The following GEMIN5 variants were observed in gnomAD, a reference collection of about 807,000 sequenced individuals.
GEMIN5 encodes the protein gem-associated protein 5.
In GEMIN5, 124 loss-of-function variants were observed where a neutral mutation model predicts 176.9. That is an observed-to-expected ratio of 0.70 (90% CI 0.61 to 0.81). GEMIN5 has a LOEUF of 0.81. GEMIN5 is among the 40% of genes least tolerant of loss of function. The pLI is 0.00. For synonymous variants in GEMIN5, 673 were observed against 665.2 expected (o/e 1.01, Z -0.18); for missense variants, 1,843 against 1,814.6 (o/e 1.02, Z -0.28).
Position 154,891,662 on chromosome 5 carries a change from G to GAA in GEMIN5, c.3839_3840dup (p.Leu1281PhefsTer24). ...CAGAATTCATACAGACGCCCATAAA[G>GAA]AAAAAAGGCCTCCAAACTTTTGAAA... is the stretch of plus-strand genomic sequence containing the variant. On this transcript the variant is annotated frameshift_variant, in exon 26 of 28. Transcript: ENST00000285873. LOFTEE classifies it high-confidence loss of function. The GAA allele has an allele frequency of 6.2e-7, 1 of 1,612,382 alleles. No homozygotes were observed. The highest frequency in any genetic ancestry group is 8.5e-7 in the Non-Finnish European group (1 of 1,179,638).
chr5:154,898,992 ATAGT>A (rs1197263204), intron 22 of GEMIN5, among the ~76,000 whole-genome samples, 195 bp downstream of exon 22: 2 of 152,180 alleles, frequency 1.3e-5, no homozygotes, highest in African/African-American at 2.4e-5. Flanking sequence ...TTTTTCTTGA[ATAGT>A]TATAGTGATT....
intron 6 of GEMIN5, 54 bp downstream of exon 6, chr5:154,928,473 G>A: frequency 3.8e-6 from 6 of 1,565,908 alleles, no homozygotes; most frequent in Non-Finnish European, 5.3e-6. Context: ...GAGGACTTGA[G>A]GCCAAATAGA....
At chr5:154,936,132 T>TA (rs1412711730) in intron 2 of GEMIN5, 110 bp from the exon 3 acceptor site, 3 of 707,412 alleles carry the variant, frequency 4.2e-6, no homozygotes, top group Non-Finnish European at 6.9e-6. Context: ...AAGTAATTAA[T>TA]ACGGCCGGGC....
At chr5:154,909,175 T>C (rs893689289) in intron 15 of GEMIN5, among the ~76,000 whole-genome samples, 1 of 141,256 alleles carries the variant, frequency 7.1e-6, no homozygotes, top group African/African-American at 2.6e-5. Context: ...GGTTTTGTCA[T>C]GTTGGCCAGG....
chr5:154,907,503 A>C, intron 16 of GEMIN5, 88 bp downstream of exon 16: 1 of 854,784 alleles, frequency 1.2e-6, no homozygotes, highest in East Asian at 2.5e-5. Flanking sequence ...AAATGGGAAC[A>C]GCGAAGTTTC....
intron 15 of GEMIN5, among the ~76,000 whole-genome samples, chr5:154,909,133 A>ACT (rs1763638592): frequency 1.0e-5 from 1 of 99,732 alleles, no homozygotes; most frequent in African/African-American, 4.0e-5. Context: ...TAATTTTTGT[A>ACT]TTTTTTTTTT....
chr5:154,926,989 T>G (rs911933256), intron 7 of GEMIN5, among the ~76,000 whole-genome samples: 8 of 150,910 alleles, frequency 5.3e-5, no homozygotes, highest in Non-Finnish European at 1.2e-4. Context: ...AGGTGGAGCT[T>G]GCAGTGAGCC....
chr5:154,892,915 G>A (rs1041375560), intron 24 of GEMIN5, among the ~76,000 whole-genome samples: 9 of 152,050 alleles, frequency 5.9e-5, no homozygotes, highest in South Asian at 2.1e-4. Flanking sequence ...TGGCCAACAT[G>A]GTGAAACCCC....
Position 154,937,106 on chromosome 5 carries a change from A to C in GEMIN5, c.246T>G (p.Cys82Trp). The change falls in exon 2 of 28, where the codon TGT (cysteine) becomes TGG (tryptophan). Residue 82 changes from cysteine (C) to tryptophan (W), a missense_variant. Physicochemically the swap from Cys to Trp is radical, Grantham distance 215. Coordinates refer to ENST00000285873, the MANE Select transcript of GEMIN5 (RefSeq NM_015465.5). Reference protein sequence around the residue: ...FSHHPGQYNLCATSSDDGTVK... With the variant: ...FSHHPGQYNLWATSSDDGTVK... ...CAGTCCCATCGTCGGAGCTGGTGGC[A>C]CAGAGGTTGTACTGACCAGGGTGAT... 1.2e-6 allele frequency: 2 copies of C among 1,614,044 alleles called. No individual in the cohort carries two copies. Among genetic ancestry groups the C allele is most frequent in the Non-Finnish European group, 1.7e-6 (2 of 1,179,872 alleles).
At chr5:154,929,343 G>C (rs1423797634) in intron 5 of GEMIN5, among the ~76,000 whole-genome samples, 3 of 152,200 alleles carry the variant, frequency 2.0e-5, no homozygotes, top group Non-Finnish European at 4.4e-5. Context: ...ACTCCAAAGT[G>C]AAAAGGACAG....
Position 154,921,486 on chromosome 5 carries a change from C to G in GEMIN5, c.1380-61G>C, listed in dbSNP as rs975127941. 27 of 755,554 alleles carry G rather than the reference C, an allele frequency of 3.6e-5. No homozygotes were observed. In the African/African-American group the frequency reaches 4.8e-4, roughly 13 times the overall value. 46.8% of individuals were successfully genotyped at this position (755,554 alleles called of 1,614,324 possible). A position where few individuals can be genotyped will look rare whatever the true frequency, so the allele number is the denominator to read the frequency against. On this transcript the variant is annotated intron_variant, in intron 9 of 27. Transcript: ENST00000285873. The stretch of plus-strand genomic sequence containing the variant: ...TTAAACAAAAAGGCATAATGAAAAA[C>G]AGACCATCTTTTTCTAAAAGGTCCC...
chr5:154,911,704 A>G (rs1561718490), intron 15 of GEMIN5, 23 bp downstream of exon 15: 2 of 1,588,882 alleles, frequency 1.3e-6, no homozygotes, highest in Non-Finnish European at 1.7e-6. Flanking sequence ...AAAGAATTAG[A>G]TAAGCTCTAG....
At chr5:154,891,042 CA>C (rs1763213078) in intron 26 of GEMIN5, among the ~76,000 whole-genome samples, 198 bp downstream of exon 26, 1 of 148,022 alleles carries the variant, frequency 6.8e-6, no homozygotes, top group South Asian at 2.1e-4. Flanking sequence ...AAGCGTGATC[CA>C]CTGTGCCCGG....
chr5:154,926,827 C>T (rs765109447), intron 7 of GEMIN5, among the ~76,000 whole-genome samples: 1 of 152,134 alleles, frequency 6.6e-6, no homozygotes, highest in Non-Finnish European at 1.5e-5. Context: ...AGGCAGATCA[C>T]GAGGTCAGGA....
chr5:154,924,350 G>C, intron 9 of GEMIN5, 119 bp downstream of exon 9: 1 of 672,904 alleles, frequency 1.5e-6, no homozygotes, highest in Non-Finnish European at 2.7e-6. Flanking sequence ...ACTGATTTGT[G>C]GTCTTCAAAT....
intron 15 of GEMIN5, among the ~76,000 whole-genome samples, 174 bp downstream of exon 15, chr5:154,911,553 C>T (rs1763699622): frequency 6.6e-6 from 1 of 152,138 alleles, no homozygotes. Context: ...ATGCTCTTTC[C>T]TATTGTGGGT....
intron 15 of GEMIN5, among the ~76,000 whole-genome samples, chr5:154,908,172 C>CCTT (rs1763612623): frequency 1.4e-5 from 1 of 73,064 alleles, no homozygotes. Flanking sequence ...CCCAGATGTC[C>CCTT]TTTTTTTTTT....
At chr5:154,908,534 T>C (rs1303348791) in intron 15 of GEMIN5, among the ~76,000 whole-genome samples, 1 of 152,164 alleles carries the variant, frequency 6.6e-6, no homozygotes, top group Non-Finnish European at 1.5e-5. Flanking sequence ...CATGGTACAT[T>C]TGGTTGCCAT....
At chr5:154,891,198 AG>A (rs1763217497) in intron 26 of GEMIN5, 42 bp downstream of exon 26, 1 of 1,559,504 alleles carries the variant, frequency 6.4e-7, no homozygotes, top group Non-Finnish European at 8.7e-7. Flanking sequence ...CCTAGCCAGC[AG>A]GGTCATTTTT....
Sources: allele counts gnomAD v4.1 joint callset (sites outside exome capture counted in the v4.1 genomes callset), GRCh38; gene constraint gnomAD v4.1.1; transcripts MANE v1.5; gene names NCBI Gene and HGNC (gene_info 2026-07-23, HGNC 2026-07-21).